Variants in TRDN observed in about 807,000 individuals in gnomAD.
TRDN encodes the protein triadin in skeletal muscle.
A neutral mutation model predicts 149.7 loss-of-function variants in TRDN; 161 were observed. The ratio of observed to expected loss-of-function variants is 1.08; its 90% CI spans 0.95 to 1.23. The LOEUF is 1.23. Among genes scored for constraint, TRDN ranks in the 50% most tolerant of loss-of-function variants. The pLI is 0.00. For synonymous variants in TRDN, 294 were observed against 250.5 expected, an observed-to-expected ratio of 1.17 and a Z score of -1.64; for missense variants, 896 against 823.5, an observed-to-expected ratio of 1.09 and a Z score of -1.08.
At chr6:123,490,219 C>A (rs1198932834) in intron 9 of TRDN, among the ~76,000 whole-genome samples, 1 of 152,106 alleles carries the variant, frequency 6.6e-6, no homozygotes, top group Non-Finnish European at 1.5e-5. Flanking sequence ...TCCCTCTTAT[C>A]CATAAAAAAT....
At chr6:123,417,396 T>C (rs1265541652) in intron 12 of TRDN, among the ~76,000 whole-genome samples, 1 of 152,182 alleles carries the variant, frequency 6.6e-6, no homozygotes, top group Admixed American at 6.6e-5. Flanking sequence ...GCTTTCCGTG[T>C]TCAGTTCCAG....
At chr6:123,307,026 T>A (rs1317186528) in intron 24 of TRDN, among the ~76,000 whole-genome samples, 2 of 152,128 alleles carry the variant, frequency 1.3e-5, no homozygotes, top group African/African-American at 4.8e-5. Context: ...GTTAAATGAT[T>A]TAGCTTTGCT....
intron 2 of TRDN, among the ~76,000 whole-genome samples, chr6:123,557,321 CCTA>C (rs1781726495): frequency 6.6e-6 from 1 of 152,094 alleles, no homozygotes; most frequent in Admixed American, 6.5e-5. Flanking sequence ...CTTCTGTCCT[CCTA>C]CTCTTTGCTC....
chr6:123,593,376 T>C (rs914347426), intron 1 of TRDN, among the ~76,000 whole-genome samples: 1 of 152,182 alleles, frequency 6.6e-6, no homozygotes, highest in Non-Finnish European at 1.5e-5. Flanking sequence ...AACTTAACCA[T>C]GGGTGAAAGC....
chr6:123,585,826 C>T (rs544379307), intron 1 of TRDN, among the ~76,000 whole-genome samples: 1 of 152,110 alleles, frequency 6.6e-6, no homozygotes, highest in South Asian at 2.1e-4. Context: ...TTCTTGTGTG[C>T]TGGAGATGTG....
intron 4 of TRDN, among the ~76,000 whole-genome samples, chr6:123,543,669 G>A (rs1562377013): frequency 6.6e-6 from 1 of 151,948 alleles, no homozygotes; most frequent in Non-Finnish European, 1.5e-5. Context: ...ATAAGTTGAA[G>A]GATTACAAGT....
intron 12 of TRDN, among the ~76,000 whole-genome samples, chr6:123,411,074 T>A (rs1411454129): frequency 6.8e-6 from 1 of 147,104 alleles, no homozygotes; most frequent in Non-Finnish European, 1.5e-5. Flanking sequence ...TGAGTCAGAG[T>A]CTCGCTCTGT....
At chr6:123,251,533 T>C (rs1776372019) in intron 38 of TRDN, among the ~76,000 whole-genome samples, 1 of 152,004 alleles carries the variant, frequency 6.6e-6, no homozygotes, top group South Asian at 2.1e-4. Context: ...ACTTGTTTTG[T>C]TTTGTCTTTT....
intron 13 of TRDN, among the ~76,000 whole-genome samples, chr6:123,393,323 C>T (rs973933909): frequency 2.0e-5 from 3 of 152,002 alleles, no homozygotes; most frequent in African/African-American, 7.2e-5. Flanking sequence ...ATTTGTATTT[C>T]TTTATGCACA....
chr6:123,547,369 T>C lies in TRDN; in HGVS notation c.395A>G (p.Glu132Gly). 6.9e-7 allele frequency: 1 copy of C among 1,453,242 alleles called. No homozygotes were observed. 90.0% of individuals were successfully genotyped at this position (1,453,242 alleles called of 1,614,324 possible). ...TTTTCTCAAGGGAGGCTCATCTATTTCTCCTAGACCAAGATTAAAAGAAAA... is the reference window on the plus strand; with the variant it reads ...TTTTCTCAAGGGAGGCTCATCTATTCCTCCTAGACCAAGATTAAAAGAAAA... The part of the protein sequence containing the change: ...DDGDEDTDKG[E>G]IDEPPLRKKE... Residue 132 changes from glutamate to glycine, a missense_variant, in exon 4 of 41, where the codon GAA (glutamate) becomes GGA (glycine). Glu to Gly is a moderately conservative substitution (Grantham distance 98, BLOSUM62 -2). Coordinates refer to ENST00000334268, the MANE Select transcript of TRDN (RefSeq NM_006073.4).
intron 2 of TRDN, among the ~76,000 whole-genome samples, chr6:123,550,198 A>C (rs1200116869): frequency 6.6e-6 from 1 of 152,012 alleles, no homozygotes; most frequent in Non-Finnish European, 1.5e-5. Flanking sequence ...ACCCAGAGAC[A>C]CTTTAACAAA....
intron 1 of TRDN, among the ~76,000 whole-genome samples, chr6:123,584,376 C>T (rs532053140): frequency 0.012 from 1,385 of 112,796 alleles, 22 homozygotes; most frequent in African/African-American, 0.034. Flanking sequence ...TGGCAGCAGC[C>T]GCTGCACGGA....
At chr6:123,225,021 TA>T (rs1451451104) in intron 38 of TRDN, among the ~76,000 whole-genome samples, 1 of 151,766 alleles carries the variant, frequency 6.6e-6, no homozygotes, top group Non-Finnish European at 1.5e-5. Context: ...GGTTGATACC[TA>T]AAATATATAA....
intron 2 of TRDN, among the ~76,000 whole-genome samples, chr6:123,568,130 C>G (rs936444775): frequency 1.3e-5 from 2 of 152,160 alleles, no homozygotes; most frequent in Non-Finnish European, 2.9e-5. Context: ...AGTTGAAAAC[C>G]CCACAGGGCA....
At chr6:123,536,734 A>T (rs960307386) in intron 4 of TRDN, among the ~76,000 whole-genome samples, 2 of 110,228 alleles carry the variant, frequency 1.8e-5, no homozygotes, top group Non-Finnish European at 4.0e-5. Flanking sequence ...AATAAATAAA[A>T]ATGAGCTGGG....
At chr6:123,383,144 GTGGTGGTATCACGACTTCACTTCCA>G (rs1781781724) in intron 14 of TRDN, among the ~76,000 whole-genome samples, 1 of 152,020 alleles carries the variant, frequency 6.6e-6, no homozygotes, top group Non-Finnish European at 1.5e-5. Context: ...TTACAGAGGT[GTGGTGGTATCACGACTTCACTTCCA>G]TGATGAAGAA....
chr6:123,239,137 C>T (rs1315821324), intron 38 of TRDN, among the ~76,000 whole-genome samples: 1 of 151,988 alleles, frequency 6.6e-6, no homozygotes, highest in Non-Finnish European at 1.5e-5. Flanking sequence ...CTATGCCCAG[C>T]CATATACTCT....
At chr6:123,451,922 G>C (rs946707793) in intron 10 of TRDN, among the ~76,000 whole-genome samples, 1 of 152,076 alleles carries the variant, frequency 6.6e-6, no homozygotes, top group Non-Finnish European at 1.5e-5. Context: ...TTTCATACCA[G>C]GGATGAAGGG....
chr6:123,400,845 T>G (rs1156816685), intron 12 of TRDN, among the ~76,000 whole-genome samples: 1 of 152,192 alleles, frequency 6.6e-6, no homozygotes, highest in East Asian at 1.9e-4. Flanking sequence ...CACACCACTT[T>G]TATCTCCTTA....
Sources: allele counts gnomAD v4.1 joint callset (sites outside exome capture counted in the v4.1 genomes callset), GRCh38; gene constraint gnomAD v4.1.1; transcripts MANE v1.5; gene names NCBI Gene and HGNC (gene_info 2026-07-23, HGNC 2026-07-21).